Variants in TSGA13 observed in about 807,000 individuals in gnomAD.
The protein encoded by TSGA13 is testis-specific gene 13 protein.
Under a neutral mutation model 35.1 loss-of-function variants are expected in TSGA13, and 37 were observed. That is an observed-to-expected ratio of 1.05 (90% confidence interval 0.81 to 1.39). TSGA13 has a LOEUF of 1.39. TSGA13 is among the 40% of genes most tolerant of loss of function. The pLI is 0.00. For synonymous variants in TSGA13, 124 were observed against 121.2 expected (o/e 1.02, Z -0.15); for missense variants, 338 against 328.5 (o/e 1.03, Z -0.22).
rs782002633 is a variant in TSGA13, at chr7:130,671,761, G to A, written c.558C>T (p.Ser186=). The A allele has an allele frequency of 2.6e-5, 42 of 1,597,500 alleles. No homozygotes were observed. The highest frequency in any genetic ancestry group is 7.9e-5 in the South Asian group (7 of 88,892). The stretch of plus-strand genomic sequence containing the variant: ...CGTAGACTTTTGAATACTTCCCTTC[G>A]CTCTTGAAATCATTGTCAGTGGAAA... ...FRFSTDNDFK[S]EGKYSKVYAL... Residue 186 remains serine (S), a synonymous_variant, in exon 7 of 8, where the codon AGC becomes AGT. Coordinates refer to ENST00000356588, the MANE Select transcript of TSGA13 (RefSeq NM_052933.4).
chr7:130,686,730 AC>A (rs1554465801), upstream of TSGA13: 3 of 152,154 alleles, frequency 2.0e-5, no homozygotes, highest in Admixed American at 1.3e-4. Flanking sequence ...ACACACACAC[AC>A]ACACACACAT....
chr7:130,685,830 C>T (rs114751614), intron 1 of TSGA13, among the ~76,000 whole-genome samples: 2,843 of 152,066 alleles, frequency 0.019, 106 homozygotes, highest in African/African-American at 0.064. Context: ...TTGATATAGA[C>T]AATTAGAAAT....
intron 4 of TSGA13, among the ~76,000 whole-genome samples, chr7:130,679,574 A>C (rs1160821557): frequency 1.3e-5 from 2 of 152,116 alleles, no homozygotes; most frequent in African/African-American, 4.8e-5. Flanking sequence ...CAGTGGCATG[A>C]TCATGACTCA....
intron 5 of TSGA13, among the ~76,000 whole-genome samples, chr7:130,673,891 G>A (rs945067523): frequency 3.9e-5 from 6 of 152,156 alleles, no homozygotes; most frequent in African/African-American, 9.6e-5. Flanking sequence ...TCAGGAGTTC[G>A]AGACCAGCCT....
At position 130,672,786 on chromosome 7, in the gene TSGA13, A is replaced by G; in HGVS notation, c.478T>C (p.Phe160Leu). The change falls in exon 6 of 8, where the codon TTC becomes CTC. Residue 160 changes from phenylalanine to leucine, a missense_variant. Physicochemically the swap from Phe to Leu is conservative, Grantham distance 22 (BLOSUM62 0). Coordinates refer to ENST00000356588, the MANE Select transcript of TSGA13 (RefSeq NM_052933.4). ...GGATCATCCGACAGTATCAAAGGGA[A>G]GATTGGTTTCAGCTTAGATCTTAAC... is the stretch of plus-strand genomic sequence containing the variant. ...KKLRSKLKPI[F>L]PLILSDDPTS... 1 of 1,614,158 alleles carries G rather than the reference A, an allele frequency of 6.2e-7. No homozygotes were observed. Among genetic ancestry groups the G allele is most frequent in the Non-Finnish European group, 8.5e-7 (1 of 1,180,010 alleles).
chr7:130,683,731 A>T, intron 2 of TSGA13, 59 bp from the exon 3 acceptor site: 1 of 1,496,964 alleles, frequency 6.7e-7, no homozygotes, highest in Non-Finnish European at 9.3e-7. Context: ...GGACTTCTGC[A>T]TATTGTCAGT....
At chr7:130,672,211 G>A (rs1482242851) in intron 6 of TSGA13, among the ~76,000 whole-genome samples, 1 of 152,080 alleles carries the variant, frequency 6.6e-6, no homozygotes, top group African/African-American at 2.4e-5. Context: ...TTTAAAGTTG[G>A]CTACATTCTC....
intron 2 of TSGA13, among the ~76,000 whole-genome samples, chr7:130,684,260 A>C (rs936271048): frequency 6.6e-6 from 1 of 152,206 alleles, no homozygotes; most frequent in Non-Finnish European, 1.5e-5. Flanking sequence ...GGGTAGTAAA[A>C]ATAATCAACA....
At chr7:130,677,170 G>A (rs1796432267) in intron 5 of TSGA13, among the ~76,000 whole-genome samples, 1 of 152,142 alleles carries the variant, frequency 6.6e-6, no homozygotes, top group African/African-American at 2.4e-5. Flanking sequence ...GGGATTACAG[G>A]CGTGAGCCAC....
intron 5 of TSGA13, among the ~76,000 whole-genome samples, chr7:130,678,665 T>G: frequency 6.6e-6 from 1 of 152,100 alleles, no homozygotes; most frequent in East Asian, 1.9e-4. Flanking sequence ...CACCCAAGCT[T>G]ATTGAATTCT....
chr7:130,669,297 A>G (rs902523424), intron 7 of TSGA13, 114 bp from the exon 8 acceptor site: 14 of 1,356,466 alleles, frequency 1.0e-5, no homozygotes, highest in Admixed American at 6.3e-5. Flanking sequence ...TGGTCTTTAG[A>G]GGGTAGATTT....
chr7:130,680,245 G>A (rs944590564), intron 4 of TSGA13, among the ~76,000 whole-genome samples: 2 of 152,186 alleles, frequency 1.3e-5, no homozygotes, highest in African/African-American at 2.4e-5. Context: ...GGTGGCTCAC[G>A]CCTGTAATCC....
At chr7:130,683,693 C>T (rs1287283790) in intron 2 of TSGA13, 21 bp from the exon 3 acceptor site, 2 of 1,611,450 alleles carry the variant, frequency 1.2e-6, no homozygotes, top group African/African-American at 1.3e-5. Flanking sequence ...GGCAGAACAT[C>T]CGGTTGCACT....
In TSGA13 at chr7:130,685,171, C is replaced by G; in HGVS notation, c.23+17G>C. The G allele has an allele frequency of 6.2e-7, 1 of 1,612,056 alleles. No homozygotes were observed. The highest frequency in any genetic ancestry group is 1.7e-4 in the Middle Eastern group (1 of 6,060). On this transcript the variant is annotated intron_variant, in intron 2 of 7. Transcript: ENST00000356588. Reference sequence around the variant, plus strand: ...AAGTGGTGTTTATAACTTAGTTGGGCAAACAAGACTACATACTTGGTTTGT... The same window carrying G: ...AAGTGGTGTTTATAACTTAGTTGGGGAAACAAGACTACATACTTGGTTTGT...
In TSGA13 at chr7:130,685,333, A is replaced by G; in HGVS notation, c.-123T>C. On this transcript the variant is annotated 5_prime_UTR_variant, in exon 2 of 8. Coordinates refer to ENST00000356588, the MANE Select transcript of TSGA13 (RefSeq NM_052933.4). ...TCCAAATATTCTTTCCTTAGCACAC[A>G]GTGTGTACTCATGCCCCATTCTTGA... The G allele has an allele frequency of 6.4e-7, 1 of 1,559,030 alleles. No individual in the cohort carries two copies. Among genetic ancestry groups the G allele is most frequent in the Non-Finnish European group, 8.8e-7 (1 of 1,141,188 alleles).
rs369903425 is a variant in TSGA13, at chr7:130,668,714, C to G, written c.*300G>C. On this transcript the variant is annotated 3_prime_UTR_variant, in exon 8 of 8. Transcript: ENST00000356588. ...CCAGACCCACCGCAACCGTCCCAGG[C>G]GCCGCAGCCGGCGAGCGGAAGAGGC... 21 of 1,508,718 alleles carry G rather than the reference C, an allele frequency of 1.4e-5. No homozygotes were observed. The African/African-American group carries it at 2.5e-4, about 18-fold the overall frequency. The allele number at this position is 1,508,718 out of a possible 1,614,324, so 93.5% of individuals were successfully genotyped here. A position where few individuals can be genotyped will look rare whatever the true frequency, so the allele number is the denominator to read the frequency against.
rs782556610 is a variant in TSGA13 at position 130,669,025 on chromosome 7, C to T, written c.817G>A (p.Val273Ile). 4.3e-6 allele frequency: 7 copies of T among 1,614,160 alleles called. No individual in the cohort carries two copies. Among genetic ancestry groups the T allele is most frequent in the Non-Finnish European group, 5.1e-6 (6 of 1,180,020 alleles). Reference sequence around the variant, plus strand: ...TGAGGGGTCTGTGTTCACCCGATGACCGTGGCCTTTTTGATAATCCACTGC... The same window carrying T: ...TGAGGGGTCTGTGTTCACCCGATGATCGTGGCCTTTTTGATAATCCACTGC... ...APQWIIKKAT[V>I]IG Residue 273 changes from valine to isoleucine, a missense_variant, in exon 8 of 8, where the codon GTC becomes ATC. Val to Ile is a conservative substitution (Grantham distance 29). Coordinates refer to ENST00000356588, the MANE Select transcript of TSGA13 (RefSeq NM_052933.4).
chr7:130,671,682 C>T lies in TSGA13; in HGVS notation c.637G>A (p.Glu213Lys), dbSNP rs201810437. ...YPQLTFAPVH[E>K]RDMRKDASKK... ...TTACCATCTTTCCTCATATCTCTCT[C>T]ATGGACTGGAGCAAAGGTGAGCTGA... Residue 213 changes from glutamate to lysine, a missense_variant, in exon 7 of 8, where the codon GAG (glutamate) becomes AAG (lysine). Coordinates refer to ENST00000356588, the MANE Select transcript of TSGA13 (RefSeq NM_052933.4). 35 of 1,601,914 alleles carry T rather than the reference C, an allele frequency of 2.2e-5. 1 individual carries two copies. The East Asian group carries it at 7.4e-4, about 34-fold the overall frequency.
At chr7:130,678,106 C>T (rs1485458091) in intron 5 of TSGA13, among the ~76,000 whole-genome samples, 4 of 152,094 alleles carry the variant, frequency 2.6e-5, no homozygotes, top group South Asian at 2.1e-4. Context: ...AGGCCGGGCG[C>T]GATGGCTCAC....
Sources: allele counts gnomAD v4.1 joint callset (sites outside exome capture counted in the v4.1 genomes callset), GRCh38; gene constraint gnomAD v4.1.1; transcripts MANE v1.5; gene names NCBI Gene and HGNC (gene_info 2026-07-23, HGNC 2026-07-21).